The following TMEM38A variants were observed in gnomAD, a reference collection of about 807,000 sequenced individuals.
The protein encoded by TMEM38A is trimeric intracellular cation channel type A.
Under a neutral mutation model 28.6 loss-of-function variants are expected in TMEM38A, and 17 were observed. The observed-to-expected ratio is 0.60, with a 90% CI of 0.41 to 0.89. The LOEUF (loss-of-function observed/expected upper bound fraction) is 0.89. TMEM38A is among the 40% of genes least tolerant of loss of function. TMEM38A has a pLI of 0.00. For synonymous variants in TMEM38A, 169 were observed against 166.1 expected, an observed-to-expected ratio of 1.02 and a Z score of -0.14; for missense variants, 328 against 393.1, an observed-to-expected ratio of 0.83 and a Z score of 1.40.
intron 1 of TMEM38A, among the ~76,000 whole-genome samples, chr19:16,675,902 C>T (rs749160678): frequency 1.3e-5 from 2 of 152,058 alleles, no homozygotes; most frequent in Non-Finnish European, 2.9e-5. Flanking sequence ...CTCCCAAAGG[C>T]CCGACCTCCT....
intron 1 of TMEM38A, among the ~76,000 whole-genome samples, chr19:16,669,427 G>A (rs1987411): frequency 0.16 from 24,998 of 151,508 alleles, 3,068 homozygotes; most frequent in East Asian, 0.32. Context: ...GGCTAGTCTT[G>A]AACTCCTGAC....
At chr19:16,677,936 A>G (rs903730729) in intron 1 of TMEM38A, among the ~76,000 whole-genome samples, 8 of 152,150 alleles carry the variant, frequency 5.3e-5, no homozygotes, top group Non-Finnish European at 1.2e-4. Flanking sequence ...ACAAAACAAC[A>G]AAGTTTGTAT....
intron 1 of TMEM38A, among the ~76,000 whole-genome samples, chr19:16,672,511 T>A (rs1271091822): frequency 1.4e-5 from 2 of 144,394 alleles, no homozygotes; most frequent in Non-Finnish European, 3.0e-5. Flanking sequence ...TGCAGTGGTG[T>A]GACCTTGGCT....
chr19:16,667,413 A>G (rs747945890), intron 1 of TMEM38A, among the ~76,000 whole-genome samples: 12 of 152,204 alleles, frequency 7.9e-5, no homozygotes, highest in Non-Finnish European at 1.8e-4. Context: ...AGGAAAGAGA[A>G]GGAAGCAGTT....
chr19:16,670,219 C>T (rs549237405), intron 1 of TMEM38A, among the ~76,000 whole-genome samples: 1 of 150,522 alleles, frequency 6.6e-6, no homozygotes, highest in Non-Finnish European at 1.5e-5. Flanking sequence ...CCACCCGCCT[C>T]GGTCTCCCAA....
At chr19:16,680,256 C>T (rs746113847) in intron 2 of TMEM38A, 116 bp downstream of exon 2, 9 of 1,484,372 alleles carry the variant, frequency 6.1e-6, no homozygotes, top group Non-Finnish European at 8.3e-6. Context: ...CTCATGATGG[C>T]CCTGAATATG....
chr19:16,666,845 T>C (rs2122576303), intron 1 of TMEM38A, among the ~76,000 whole-genome samples: 1 of 147,404 alleles, frequency 6.8e-6, no homozygotes, highest in Admixed American at 6.8e-5. Flanking sequence ...CCCAGCTACT[T>C]GGGTGGCTGA....
intron 1 of TMEM38A, among the ~76,000 whole-genome samples, chr19:16,672,962 G>T (rs980160797): frequency 2.6e-5 from 4 of 152,158 alleles, no homozygotes; most frequent in Non-Finnish European, 5.9e-5. Context: ...TGCTTAACAT[G>T]CTATAATGCA....
At chr19:16,673,861 GA>G (rs2086738035) in intron 1 of TMEM38A, among the ~76,000 whole-genome samples, 1 of 151,930 alleles carries the variant, frequency 6.6e-6, no homozygotes. Context: ...GCCAAGGCAG[GA>G]GGATCATTTG....
chr19:16,664,186 C>T (rs917729966), intron 1 of TMEM38A, among the ~76,000 whole-genome samples: 5 of 152,024 alleles, frequency 3.3e-5, no homozygotes, highest in Admixed American at 6.6e-5. Context: ...GGAGGCGAGG[C>T]GGGTGGATCA....
At chr19:16,674,816 C>CA (rs201288937) in intron 1 of TMEM38A, among the ~76,000 whole-genome samples, 12,768 of 150,526 alleles carry the variant, frequency 0.085, 614 homozygotes, top group African/African-American at 0.13. Flanking sequence ...ACAACAACAA[C>CA]AAAAAAAAAC....
intron 1 of TMEM38A, among the ~76,000 whole-genome samples, chr19:16,671,712 G>A (rs2086728277): frequency 6.6e-6 from 1 of 152,214 alleles, no homozygotes. Context: ...TTACGGGTGT[G>A]AGCCACCGCG....
intron 1 of TMEM38A, among the ~76,000 whole-genome samples, chr19:16,674,067 C>G (rs1305890194): frequency 1.3e-5 from 2 of 151,686 alleles, no homozygotes; most frequent in East Asian, 1.9e-4. Flanking sequence ...GCCTGGGTGA[C>G]AGAGCGAGAT....
At chr19:16,680,356 G>A (rs1170125389) in intron 2 of TMEM38A, 41 bp from the exon 3 acceptor site, 3 of 1,607,394 alleles carry the variant, frequency 1.9e-6, no homozygotes, top group South Asian at 2.2e-5. Context: ...ATCCTTCACA[G>A]TCTGCCCATC....
chr19:16,662,147 C>G (rs1370470980), intron 1 of TMEM38A, among the ~76,000 whole-genome samples: 1 of 152,114 alleles, frequency 6.6e-6, no homozygotes, highest in Non-Finnish European at 1.5e-5. Flanking sequence ...CACCGTTATT[C>G]TAGAACACCA....
At chr19:16,686,496 C>T in intron 5 of TMEM38A, 91 bp downstream of exon 5, 2 of 1,040,088 alleles carry the variant, frequency 1.9e-6, no homozygotes, top group Non-Finnish European at 2.9e-6. Flanking sequence ...ACACTCCCAG[C>T]CTTATGTGGC....
At chr19:16,678,296 G>A (rs1356993579) in intron 1 of TMEM38A, among the ~76,000 whole-genome samples, 1 of 152,100 alleles carries the variant, frequency 6.6e-6, no homozygotes, top group Non-Finnish European at 1.5e-5. Flanking sequence ...GGGCGTGGTG[G>A]CGCATGCCTG....
intron 1 of TMEM38A, among the ~76,000 whole-genome samples, chr19:16,670,446 G>A (rs1483302304): frequency 6.6e-6 from 1 of 152,076 alleles, no homozygotes; most frequent in African/African-American, 2.4e-5. Context: ...AGCCGAGGCA[G>A]AGCTGATTTT....
intron 1 of TMEM38A, among the ~76,000 whole-genome samples, chr19:16,666,465 G>C (rs2086703631): frequency 1.3e-5 from 2 of 151,078 alleles, no homozygotes; most frequent in Non-Finnish European, 2.9e-5. Flanking sequence ...GTCTTGCTCT[G>C]TCTCCCAGGC....
Sources: allele counts gnomAD v4.1 joint callset (sites outside exome capture counted in the v4.1 genomes callset), GRCh38; gene constraint gnomAD v4.1.1; transcripts MANE v1.5; gene names NCBI Gene and HGNC (gene_info 2026-07-23, HGNC 2026-07-21).